MECOM: variants seen among roughly 807,000 people sequenced by gnomAD.
MECOM encodes histone-lysine N-methyltransferase MECOM.
A neutral mutation model predicts 116.3 loss-of-function variants in MECOM; 13 were observed. That is an observed-to-expected ratio of 0.11 (90% confidence interval 0.07 to 0.18). The LOEUF is 0.18. Among genes scored for constraint, MECOM ranks in the 10% least tolerant of loss-of-function variants. The pLI is 1.00. For missense variants in MECOM, 1,299 were observed against 1,509.0 expected, an observed-to-expected ratio of 0.86 and a Z score of 2.31; for synonymous variants, 528 against 535.2, an observed-to-expected ratio of 0.99 and a Z score of 0.19.
chr3:169,412,890 G>A (rs1311041811), intron 1 of MECOM, among the ~76,000 whole-genome samples: 1 of 152,144 alleles, frequency 6.6e-6, no homozygotes, highest in African/African-American at 2.4e-5. Context: ...TTCAGTGACT[G>A]TTGAATTTCA....
At chr3:169,622,370 G>T (rs529041528) in intron 1 of MECOM, among the ~76,000 whole-genome samples, 2 of 152,240 alleles carry the variant, frequency 1.3e-5, no homozygotes, top group Non-Finnish European at 2.9e-5. Flanking sequence ...GAGATTACAG[G>T]GTATGAGCCA....
intron 2 of MECOM, among the ~76,000 whole-genome samples, chr3:169,280,746 G>C (rs573236620): frequency 2.6e-5 from 4 of 152,156 alleles, no homozygotes; most frequent in Non-Finnish European, 5.9e-5. Flanking sequence ...TTAAAGGTGG[G>C]AACAGCATAA....
At position 169,524,463 on chromosome 3, in the gene MECOM, C is replaced by T. The variant is rs571611799; in HGVS notation, c.37+138873G>A. Among the ~76,000 whole-genome samples the T allele has an allele frequency of 3.3e-5, 5 of 152,296 alleles. 1 individual carries two copies. In the South Asian group the frequency reaches 1.0e-3, roughly 32 times the overall value. ...AGCAAGTAGAAATACCTGGTGCAAG[C>T]ATGGACACTCTTTTCTGTTTTCACG... On this transcript the variant is annotated intron_variant, in intron 1 of 16. Coordinates refer to ENST00000651503, the MANE Select transcript of MECOM (RefSeq NM_004991.4).
chr3:169,409,796 GAGAC>G (rs1330775170), intron 1 of MECOM, among the ~76,000 whole-genome samples: 1 of 152,164 alleles, frequency 6.6e-6, no homozygotes, highest in African/African-American at 2.4e-5. Context: ...TTGGATTCAT[GAGAC>G]AGAAGAGCAT....
intron 2 of MECOM, among the ~76,000 whole-genome samples, chr3:169,358,992 C>A (rs746103186): frequency 1.3e-5 from 2 of 151,702 alleles, no homozygotes; most frequent in Non-Finnish European, 3.0e-5. Context: ...CTGGAACTAA[C>A]TAATCCTCGA....
chr3:169,514,037 G>T (rs1240050411), intron 1 of MECOM, among the ~76,000 whole-genome samples: 3 of 152,146 alleles, frequency 2.0e-5, no homozygotes, highest in Non-Finnish European at 2.9e-5. Flanking sequence ...TTCTACAAGG[G>T]TGTGCACATA....
chr3:169,134,132 A>G (rs1735650449), intron 3 of MECOM, among the ~76,000 whole-genome samples: 1 of 152,162 alleles, frequency 6.6e-6, no homozygotes, highest in South Asian at 2.1e-4. Context: ...TTATGATATC[A>G]TTATTTCTTT....
At chr3:169,566,828 G>C (rs1460865691) in intron 1 of MECOM, among the ~76,000 whole-genome samples, 2 of 152,190 alleles carry the variant, frequency 1.3e-5, no homozygotes, top group Non-Finnish European at 1.5e-5. Context: ...TGAAAACCTG[G>C]CCAGGCATTC....
In MECOM at chr3:169,551,035, G is replaced by C. The variant is rs2109303718; in HGVS notation, c.37+112301C>G. Among the ~76,000 whole-genome samples the C allele has an allele frequency of 5.3e-5, 5 of 94,994 alleles. 2 individuals carry two copies. In the South Asian group the frequency reaches 2.3e-3, roughly 43 times the overall value. The allele number at this position is 94,994 out of a possible 152,430, so 62.3% of individuals were successfully genotyped here. On this transcript the variant is annotated intron_variant, in intron 1 of 16. Coordinates refer to ENST00000651503, the MANE Select transcript of MECOM (RefSeq NM_004991.4). ...AGACGGGGTTTCACCGTTTTAGCCGGGATGGTCTCGATCTCCTGACCTCGT... is the reference window on the plus strand; with the variant it reads ...AGACGGGGTTTCACCGTTTTAGCCGCGATGGTCTCGATCTCCTGACCTCGT...
At chr3:169,501,185 C>T (rs933402440) in intron 1 of MECOM, among the ~76,000 whole-genome samples, 15 of 151,888 alleles carry the variant, frequency 9.9e-5, no homozygotes, top group African/African-American at 3.6e-4. Context: ...ATAAGGTTTG[C>T]TTAGAATTTG....
intron 2 of MECOM, among the ~76,000 whole-genome samples, chr3:169,188,696 T>A (rs1268443859): frequency 6.6e-6 from 1 of 152,212 alleles, no homozygotes; most frequent in East Asian, 1.9e-4. Flanking sequence ...CTCAGTGTCT[T>A]ACATGAAAAG....
chr3:169,192,166 A>G (rs73170100), intron 2 of MECOM, among the ~76,000 whole-genome samples: 7,561 of 152,174 alleles, frequency 0.05, 278 homozygotes, highest in Middle Eastern at 0.088. Flanking sequence ...TTCTTCACTA[A>G]GAACTCATAT....
intron 2 of MECOM, among the ~76,000 whole-genome samples, chr3:169,357,975 G>A (rs1221022620): frequency 6.6e-6 from 1 of 151,678 alleles, no homozygotes; most frequent in East Asian, 1.9e-4. Context: ...ACAAAAATAA[G>A]AATGAATTTT....
In MECOM at chr3:169,084,919, CT is replaced by C. The variant is rs756269286; in HGVS notation, c.3709del (p.Ser1237AlafsTer36). The C allele has an allele frequency of 1.2e-6, 2 of 1,613,912 alleles. No individual in the cohort carries two copies. Among genetic ancestry groups the C allele is most frequent in the African/African-American group, 2.7e-5 (2 of 74,888 alleles). The part of the protein sequence containing the change: ...AAESSAIQSI[S>X]HV ...TCAACCTTGATAACGTCATACGTGG[CT>C]TATGGACTGGATAGCACTGGATTCC... On this transcript the variant is annotated frameshift_variant, in exon 17 of 17. Coordinates refer to ENST00000651503, the MANE Select transcript of MECOM (RefSeq NM_004991.4). LOFTEE classifies it high-confidence loss of function.
At chr3:169,418,831 C>A (rs549829179) in intron 1 of MECOM, among the ~76,000 whole-genome samples, 1 of 152,006 alleles carries the variant, frequency 6.6e-6, no homozygotes, top group Non-Finnish European at 1.5e-5. Context: ...TTTTGAAAAC[C>A]GGCACAAGAC....
At chr3:169,597,165 G>A (rs1379416937) in intron 1 of MECOM, among the ~76,000 whole-genome samples, 3 of 152,152 alleles carry the variant, frequency 2.0e-5, no homozygotes, top group African/African-American at 7.2e-5. Flanking sequence ...ATTAAGAGAT[G>A]TTCAACATAA....
At chr3:169,120,309 AG>A (rs780026334) in intron 7 of MECOM, among the ~76,000 whole-genome samples, 7 of 152,222 alleles carry the variant, frequency 4.6e-5, no homozygotes, top group Non-Finnish European at 8.8e-5. Context: ...GGCGGAGAGA[AG>A]AAAAAGCAAA....
chr3:169,086,240 A>G (rs1008029848), intron 16 of MECOM, among the ~76,000 whole-genome samples: 2 of 152,192 alleles, frequency 1.3e-5, no homozygotes, highest in African/African-American at 2.4e-5. Flanking sequence ...ATATTTCTTA[A>G]GCATCTACTC....
At chr3:169,577,242 T>C (rs1203747143) in intron 1 of MECOM, among the ~76,000 whole-genome samples, 1 of 152,172 alleles carries the variant, frequency 6.6e-6, no homozygotes, top group Non-Finnish European at 1.5e-5. Flanking sequence ...GCCCAGCACA[T>C]AGTAAGTGCT....
Sources: gnomAD v4.1 joint callset for allele counts (sites outside exome capture counted in the v4.1 genomes callset) on GRCh38, gnomAD v4.1.1 for gene constraint, MANE v1.5 for transcripts, NCBI Gene and HGNC (gene_info 2026-07-23, HGNC 2026-07-21) for gene names.